Variants in IGFL4 observed in about 807,000 individuals in gnomAD.
The protein encoded by IGFL4 is insulin growth factor-like family member 4.
In IGFL4, 12 loss-of-function variants were observed where a neutral mutation model predicts 15.4. The ratio of observed to expected loss-of-function variants is 0.78; its 90% CI spans 0.50 to 1.26. The LOEUF is 1.26. IGFL4 is among the 50% of genes most tolerant of loss of function. The pLI, the probability that IGFL4 is intolerant of heterozygous loss-of-function variation, is 0.00. For missense variants in IGFL4, 126 were observed against 147.8 expected (o/e 0.85, Z 0.76); for synonymous variants, 54 against 55.9 (o/e 0.97, Z 0.16).
intron 1 of IGFL4, among the ~76,000 whole-genome samples, chr19:46,065,954 C>T (rs1969490820): frequency 6.6e-6 from 1 of 152,138 alleles, no homozygotes; most frequent in South Asian, 2.1e-4. Context: ...GTTTGAATGT[C>T]AAAACGGCCA....
chr19:46,064,803 G>C (rs1462839722), intron 1 of IGFL4, among the ~76,000 whole-genome samples: 1 of 152,016 alleles, frequency 6.6e-6, no homozygotes, highest in Non-Finnish European at 1.5e-5. Context: ...CTTTCTTTTG[G>C]GTATATATCC....
At position 46,040,371 on chromosome 19, in the gene IGFL4, C is replaced by T. The variant is rs1165151238; in HGVS notation, c.116G>A (p.Trp39Ter). Residue 39 changes from tryptophan to a stop codon, truncating the protein, a stop_gained, in exon 3 of 4, where the codon TGG becomes TAG. Transcript: ENST00000377697. LOFTEE classifies it high-confidence loss of function. This position sits in a 1 kb window ranked among gnomAD's most constrained non-coding sequence, Gnocchi z 4.1. The stretch of plus-strand genomic sequence containing the variant: ...GCACTGCTCCAAGGGGTTGTAGGTC[C>T]ACTCCCCGCACCTGGGCGCTGGCTG... ...LCQPAPRCGEWTYNPLEQCCD... is the reference protein window; with the variant it reads ...LCQPAPRCGE 5.6e-6 allele frequency: 9 copies of T among 1,614,180 alleles called. No homozygotes were observed. Among genetic ancestry groups the T allele is most frequent in the Non-Finnish European group, 7.6e-6 (9 of 1,180,030 alleles).
intron 2 of IGFL4, among the ~76,000 whole-genome samples, chr19:46,053,398 A>G (rs532130032): frequency 3.0e-4 from 45 of 152,148 alleles, no homozygotes; most frequent in Admixed American, 9.8e-4. Flanking sequence ...TATTTTTAGT[A>G]GAGCCGGGGT....
At chr19:46,067,041 C>T (rs1969501826) in intron 1 of IGFL4, among the ~76,000 whole-genome samples, 1 of 152,166 alleles carries the variant, frequency 6.6e-6, no homozygotes, top group South Asian at 2.1e-4. Context: ...TGCAATCTTG[C>T]TGTGGTCAAT....
chr19:46,044,069 C>G (rs974525321), upstream of IGFL4, among the ~76,000 whole-genome samples: 2 of 152,116 alleles, frequency 1.3e-5, no homozygotes, highest in East Asian at 3.9e-4. Flanking sequence ...TGATGGTCCA[C>G]CCAGGAGCAG....
chr19:46,063,364 C>CAT (rs755887163), intron 1 of IGFL4, among the ~76,000 whole-genome samples: 1 of 149,902 alleles, frequency 6.7e-6, no homozygotes, highest in Non-Finnish European at 1.5e-5. Context: ...CACACACACA[C>CAT]ACATACACGA....
chr19:46,064,837 C>T (rs1005768101), intron 1 of IGFL4, among the ~76,000 whole-genome samples: 1 of 152,106 alleles, frequency 6.6e-6, no homozygotes, highest in African/African-American at 2.4e-5. Context: ...TATGGTAGCT[C>T]TATTTTTAGT....
chr19:46,045,122 T>C (rs947350831), upstream of IGFL4, among the ~76,000 whole-genome samples: 1 of 151,946 alleles, frequency 6.6e-6, no homozygotes, highest in Non-Finnish European at 1.5e-5. Context: ...GAGACCGAGA[T>C]GGCTGAATTA....
intron 1 of IGFL4, among the ~76,000 whole-genome samples, chr19:46,066,886 G>A (rs1969500325): frequency 6.6e-6 from 1 of 152,138 alleles, no homozygotes; most frequent in Non-Finnish European, 1.5e-5. Context: ...TAAAGTTGAG[G>A]AATGAAAACA....
intron 2 of IGFL4, among the ~76,000 whole-genome samples, chr19:46,050,357 T>C (rs1969334261): frequency 2.6e-5 from 4 of 152,118 alleles, no homozygotes; most frequent in Admixed American, 2.6e-4. Flanking sequence ...AGAAGATCGA[T>C]TATGAAGCCA....
In IGFL4 at chr19:46,039,882, C is replaced by T; in HGVS notation, c.*10G>A. On this transcript the variant is annotated 3_prime_UTR_variant, in exon 4 of 4. Transcript: ENST00000377697. Reference sequence around the variant, plus strand: ...TAGAGTGATCTGTGACTCTGCTACCCCAGAACAGTCTAGATGAGGTCAGAT... The same window carrying T: ...TAGAGTGATCTGTGACTCTGCTACCTCAGAACAGTCTAGATGAGGTCAGAT... The T allele has an allele frequency of 6.2e-7, 1 of 1,605,226 alleles. No individual in the cohort carries two copies. Among genetic ancestry groups the T allele is most frequent in the Non-Finnish European group, 8.5e-7 (1 of 1,171,984 alleles).
At position 46,039,856 on chromosome 19, in the gene IGFL4, C is replaced by T. The variant is rs747084530; in HGVS notation, c.*36G>A. ...CAGTATAATTACCAAGTATTAGATT[C>T]TAGAGTGATCTGTGACTCTGCTACC... is the stretch of plus-strand genomic sequence containing the variant. On this transcript the variant is annotated 3_prime_UTR_variant, in exon 4 of 4. Transcript: ENST00000377697. 2 of 1,537,616 alleles carry T rather than the reference C, an allele frequency of 1.3e-6. No homozygotes were observed. The highest frequency in any genetic ancestry group is 1.8e-6 in the Non-Finnish European group (2 of 1,110,466).
chr19:46,073,084 A>G (rs1969562168), intron 1 of IGFL4, among the ~76,000 whole-genome samples: 1 of 151,592 alleles, frequency 6.6e-6, no homozygotes, highest in Admixed American at 6.6e-5. Flanking sequence ...AAACTAAAAT[A>G]AAGCCTGTAG....
chr19:46,043,280 G>A (rs1470483436), upstream of IGFL4, among the ~76,000 whole-genome samples: 1 of 152,142 alleles, frequency 6.6e-6, no homozygotes, highest in Non-Finnish European at 1.5e-5. Context: ...ATAAACTAGT[G>A]ATTAAAGTAA....
chr19:46,059,363 T>C (rs548261172), intron 2 of IGFL4: 1 of 152,338 alleles, frequency 6.6e-6, no homozygotes, highest in African/African-American at 2.4e-5. Context: ...CTGTAACTTC[T>C]TCAGGCTGAA....
chr19:46,056,565 C>T (rs1969394558), intron 2 of IGFL4, among the ~76,000 whole-genome samples: 1 of 152,266 alleles, frequency 6.6e-6, no homozygotes, highest in African/African-American at 2.4e-5. Context: ...GAGATGCCTC[C>T]TGATGAATTG....
intron 2 of IGFL4, chr19:46,057,530 G>A (rs545519468): frequency 2.6e-5 from 4 of 152,190 alleles, no homozygotes; most frequent in East Asian, 1.9e-4. Context: ...GAAAGTGAAG[G>A]AATAAAAGAA....
At chr19:46,062,846 C>G (rs1322779252) in intron 1 of IGFL4, 2 of 152,230 alleles carry the variant, frequency 1.3e-5, no homozygotes, top group Non-Finnish European at 2.9e-5. Context: ...CAAGTTTCCC[C>G]CTTTGGGGAG....
intron 2 of IGFL4, among the ~76,000 whole-genome samples, chr19:46,054,048 A>T (rs1969371290): frequency 6.6e-6 from 1 of 152,162 alleles, no homozygotes; most frequent in Non-Finnish European, 1.5e-5. Flanking sequence ...GTTTTCAAAT[A>T]TTCTTCCATT....
Sources: allele counts gnomAD v4.1 joint callset (sites outside exome capture counted in the v4.1 genomes callset), GRCh38; gene constraint gnomAD v4.1.1; non-coding constraint Gnocchi (gnomAD v3.1); transcripts MANE v1.5; gene names NCBI Gene and HGNC (gene_info 2026-07-23, HGNC 2026-07-21).